Variants in CHRM3 observed in about 807,000 individuals in gnomAD.
CHRM3 encodes muscarinic acetylcholine receptor M3.
CHRM3 carries 11 observed loss-of-function variants against 41.8 expected under a neutral mutation model. That is an observed-to-expected ratio of 0.26 (90% CI 0.17 to 0.44). The LOEUF is 0.44. Ranked by LOEUF, CHRM3 falls within the 20% of genes least tolerant of loss-of-function variation. CHRM3 has a pLI of 1.00. For missense variants in CHRM3, 571 were observed against 745.4 expected (o/e 0.77, Z 2.72); for synonymous variants, 297 against 301.4 (o/e 0.99, Z 0.15).
At chr1:239,547,450 G>A (rs1292922792) in intron 3 of CHRM3, among the ~76,000 whole-genome samples, 6 of 152,128 alleles carry the variant, frequency 3.9e-5, no homozygotes, top group Non-Finnish European at 7.4e-5. Flanking sequence ...TCAGTTCCCT[G>A]GGGAGTGTGG....
At chr1:239,882,405 G>C (rs79440930) in intron 6 of CHRM3, among the ~76,000 whole-genome samples, 1 of 152,150 alleles carries the variant, frequency 6.6e-6, no homozygotes, top group African/African-American at 2.4e-5. Flanking sequence ...CTCATATTGA[G>C]TCCTTCCCAT....
In CHRM3 at chr1:239,418,257, C is replaced by T. The variant is rs559991209; in HGVS notation, c.-521+31030C>T. Among the ~76,000 whole-genome samples the T allele has an allele frequency of 2.6e-5, 4 of 152,252 alleles. No individual in the cohort carries two copies. In the East Asian group the frequency reaches 7.7e-4, roughly 29 times the overall value. On this transcript the variant is annotated intron_variant, in intron 1 of 6. Transcript: ENST00000676153. ...GAATGCTGACATTCTGCTGGCAGCT[C>T]ATCTGTGTTTTTAAGAGCTGCTTAA...
intron 6 of CHRM3, among the ~76,000 whole-genome samples, chr1:239,891,718 T>A (rs144092433): frequency 6.6e-6 from 1 of 152,254 alleles, no homozygotes; most frequent in East Asian, 1.9e-4. Context: ...GCCCTCTGAC[T>A]GTCAAAGGGT....
At chr1:239,659,663 A>G (rs1673017269) in intron 4 of CHRM3, among the ~76,000 whole-genome samples, 1 of 152,202 alleles carries the variant, frequency 6.6e-6, no homozygotes, top group African/African-American at 2.4e-5. Flanking sequence ...GCCTACCATA[A>G]TGGACAATAA....
intron 6 of CHRM3, among the ~76,000 whole-genome samples, chr1:239,876,324 T>C (rs1426310539): frequency 2.0e-5 from 3 of 152,230 alleles, no homozygotes; most frequent in Non-Finnish European, 4.4e-5. Flanking sequence ...AACACAACAT[T>C]GCTATGGCTT....
At chr1:239,505,266 GA>G (rs2148160641) in intron 2 of CHRM3, among the ~76,000 whole-genome samples, 1 of 141,564 alleles carries the variant, frequency 7.1e-6, no homozygotes, top group East Asian at 2.0e-4. Flanking sequence ...CTGGGATGAT[GA>G]TGATGATGAT....
At chr1:239,842,252 C>T (rs1023790635) in intron 6 of CHRM3, among the ~76,000 whole-genome samples, 2 of 150,396 alleles carry the variant, frequency 1.3e-5, no homozygotes, top group East Asian at 1.9e-4. Context: ...GACAGAGTCC[C>T]GCTGTGTCAC....
At chr1:239,444,148 AG>A (rs1352137835) in intron 1 of CHRM3, among the ~76,000 whole-genome samples, 3 of 152,250 alleles carry the variant, frequency 2.0e-5, no homozygotes, top group Admixed American at 6.5e-5. Flanking sequence ...CTTAGTCATG[AG>A]GAAAACGCCC....
chr1:239,792,231 T>C (rs1372761442), intron 5 of CHRM3, among the ~76,000 whole-genome samples: 1 of 152,152 alleles, frequency 6.6e-6, no homozygotes, highest in African/African-American at 2.4e-5. Context: ...TGCTTTTTGT[T>C]GATGGTTGTT....
intron 5 of CHRM3, among the ~76,000 whole-genome samples, chr1:239,769,613 G>C (rs1044426081): frequency 1.3e-5 from 2 of 152,160 alleles, no homozygotes; most frequent in African/African-American, 4.8e-5. Flanking sequence ...AGAATTATTT[G>C]TGTGGCGCCT....
rs1035073148 is a variant in CHRM3 at position 239,914,309 on chromosome 1, T to C, written c.*5085T>C. 1.8e-5 allele frequency: 3 copies of C among 167,096 alleles called. No homozygotes were observed. Among genetic ancestry groups the C allele is most frequent in the Admixed American group, 1.3e-4 (2 of 15,280 alleles). The allele number at this position is 167,096 out of a possible 1,614,324, so 10.4% of individuals were successfully genotyped here. A position where few individuals can be genotyped will look rare whatever the true frequency, so the allele number is the denominator to read the frequency against. On this transcript the variant is annotated 3_prime_UTR_variant, in exon 7 of 7. Transcript: ENST00000676153. ...TGTGGCTCACACAGAATCTGGCAAA[T>C]TGCATATATTCAATAAATGTTGAAT...
chr1:239,392,618 T>C (rs981455134), intron 1 of CHRM3, among the ~76,000 whole-genome samples: 1 of 152,140 alleles, frequency 6.6e-6, no homozygotes, highest in Non-Finnish European at 1.5e-5. Flanking sequence ...TTGGAGAGAG[T>C]TCCCAGAGAG....
intron 4 of CHRM3, among the ~76,000 whole-genome samples, chr1:239,638,722 A>C (rs1339679982): frequency 6.6e-6 from 1 of 151,910 alleles, no homozygotes; most frequent in Non-Finnish European, 1.5e-5. Context: ...TTGCTGGTTC[A>C]CTCTGATGGT....
chr1:239,640,769 G>A (rs1171378271), intron 4 of CHRM3, among the ~76,000 whole-genome samples: 1 of 150,034 alleles, frequency 6.7e-6, no homozygotes, highest in African/African-American at 2.5e-5. Context: ...ATTTCCTTCA[G>A]TTCTGCTCTG....
chr1:239,633,160 A>T (rs1029732198), intron 4 of CHRM3, among the ~76,000 whole-genome samples: 7 of 152,092 alleles, frequency 4.6e-5, no homozygotes, highest in African/African-American at 1.7e-4. Flanking sequence ...TTCAGTAGAG[A>T]TGGGGTTTCA....
At chr1:239,395,935 G>C (rs961453131) in intron 1 of CHRM3, among the ~76,000 whole-genome samples, 1 of 152,228 alleles carries the variant, frequency 6.6e-6, no homozygotes, top group African/African-American at 2.4e-5. Flanking sequence ...TCTCGCATCA[G>C]CTTCACCCTA....
At position 239,907,364 on chromosome 1, in the gene CHRM3, T is replaced by C. The variant is rs1459179133; in HGVS notation, c.-19-69T>C. ...TAGGCCTTCCATGTCTTTTAACGTA[T>C]GTAATGCAAAGAACAAACAAATAAA... On this transcript the variant is annotated intron_variant, in intron 6 of 6. Coordinates refer to ENST00000676153, the MANE Select transcript of CHRM3 (RefSeq NM_001375978.1). The surrounding 1 kb of genome is among the most constrained non-coding windows in gnomAD (Gnocchi z 5.4). 4 of 1,203,372 alleles carry C rather than the reference T, an allele frequency of 3.3e-6. No individual in the cohort carries two copies. The East Asian group carries it at 7.1e-5, about 21-fold the overall frequency. 74.5% of individuals were successfully genotyped at this position (1,203,372 alleles called of 1,614,324 possible). A position where few individuals can be genotyped will look rare whatever the true frequency, so the allele number is the denominator to read the frequency against.
intron 5 of CHRM3, among the ~76,000 whole-genome samples, chr1:239,764,269 C>G (rs1667030968): frequency 6.6e-6 from 1 of 151,988 alleles, no homozygotes; most frequent in Non-Finnish European, 1.5e-5. Context: ...AAACAGGGTC[C>G]TTGGAAGTGG....
chr1:239,600,323 G>A (rs1665360580), intron 3 of CHRM3, among the ~76,000 whole-genome samples: 1 of 151,872 alleles, frequency 6.6e-6, no homozygotes, highest in South Asian at 2.1e-4. Context: ...TGCCCTGGGA[G>A]GCTGACCCCT....
Sources: gnomAD v4.1 joint callset for allele counts (sites outside exome capture counted in the v4.1 genomes callset) on GRCh38, gnomAD v4.1.1 for gene constraint, Gnocchi (gnomAD v3.1) non-coding constraint, MANE v1.5 for transcripts, NCBI Gene and HGNC (gene_info 2026-07-23, HGNC 2026-07-21) for gene names.